TMCC1: variants seen among roughly 807,000 people sequenced by gnomAD.
The protein encoded by TMCC1 is transmembrane and coiled-coil domains protein 1.
TMCC1 carries 15 observed loss-of-function variants against 52.4 expected under a neutral mutation model. That is an observed-to-expected ratio of 0.29 (90% CI 0.19 to 0.44). The LOEUF is 0.44. TMCC1 is among the 20% of genes least tolerant of loss of function. The pLI is 1.00. For synonymous variants in TMCC1, 279 were observed against 301.9 expected, an observed-to-expected ratio of 0.92 and a Z score of 0.79; for missense variants, 503 against 806.0, an observed-to-expected ratio of 0.62 and a Z score of 4.55.
chr3:129,889,882 T>C (rs901723822), intron 1 of TMCC1, among the ~76,000 whole-genome samples: 8 of 150,356 alleles, frequency 5.3e-5, no homozygotes, highest in Non-Finnish European at 1.2e-4. Context: ...AGATAAAACT[T>C]GAATTTGTAC....
chr3:129,837,629 A>G (rs1011421605), intron 2 of TMCC1, among the ~76,000 whole-genome samples: 2 of 152,220 alleles, frequency 1.3e-5, no homozygotes, highest in Non-Finnish European at 1.5e-5. Flanking sequence ...AAAATTATGA[A>G]GCATGGCAAA....
At chr3:129,752,211 C>T (rs1385166029) in intron 4 of TMCC1, among the ~76,000 whole-genome samples, 3 of 152,188 alleles carry the variant, frequency 2.0e-5, no homozygotes, top group Non-Finnish European at 4.4e-5. Context: ...TTTTCCCTCA[C>T]TCTCTGAATG....
chr3:129,876,018 C>T (rs995816715), intron 2 of TMCC1, among the ~76,000 whole-genome samples: 7 of 151,892 alleles, frequency 4.6e-5, no homozygotes, highest in African/African-American at 1.5e-4. Context: ...GCCTGTAATC[C>T]CAGCTACCTG....
At chr3:129,673,749 G>A (rs1486917710) in intron 4 of TMCC1, among the ~76,000 whole-genome samples, 1 of 152,116 alleles carries the variant, frequency 6.6e-6, no homozygotes, top group Non-Finnish European at 1.5e-5. Flanking sequence ...TGCTCAGGAG[G>A]CTGAGGTGGG....
intron 2 of TMCC1, among the ~76,000 whole-genome samples, chr3:129,876,042 G>A (rs1269076441): frequency 6.6e-6 from 1 of 151,928 alleles, no homozygotes; most frequent in Non-Finnish European, 1.5e-5. Flanking sequence ...GGCTGAGGCA[G>A]GAGAATTGCT....
intron 4 of TMCC1, among the ~76,000 whole-genome samples, chr3:129,823,890 T>C (rs747551196): frequency 1.3e-5 from 2 of 152,192 alleles, no homozygotes; most frequent in Non-Finnish European, 2.9e-5. Flanking sequence ...ACATACTATA[T>C]ATGTTTAGGA....
intron 1 of TMCC1, among the ~76,000 whole-genome samples, chr3:129,881,801 A>G (rs1382908529): frequency 6.6e-6 from 1 of 152,236 alleles, no homozygotes; most frequent in Non-Finnish European, 1.5e-5. Context: ...ACAGAAATAA[A>G]AACTATCCAA....
At chr3:129,870,759 CAAAAAAA>C (rs61673201) in intron 2 of TMCC1, among the ~76,000 whole-genome samples, 3 of 10,678 alleles carry the variant, frequency 2.8e-4, no homozygotes, top group East Asian at 7.1e-3. Context: ...GACTCCATCT[CAAAAAAA>C]AAAAAAAAAA....
chr3:129,885,007 G>C (rs1364493124), intron 1 of TMCC1, among the ~76,000 whole-genome samples: 1 of 151,838 alleles, frequency 6.6e-6, no homozygotes, highest in South Asian at 2.1e-4. Context: ...GAGACGGTGG[G>C]ACACACCTGC....
chr3:129,848,170 C>T (rs886544767), intron 2 of TMCC1, among the ~76,000 whole-genome samples: 5 of 152,204 alleles, frequency 3.3e-5, no homozygotes, highest in Admixed American at 2.6e-4. Context: ...GGATGAAATC[C>T]AATTTAGCGA....
chr3:129,700,993 C>G (rs1052765567), intron 4 of TMCC1, among the ~76,000 whole-genome samples: 1 of 152,120 alleles, frequency 6.6e-6, no homozygotes, highest in Non-Finnish European at 1.5e-5. Flanking sequence ...ACTTTACTTT[C>G]TGGATAAAAT....
At chr3:129,883,160 A>C (rs959687284) in intron 1 of TMCC1, among the ~76,000 whole-genome samples, 4 of 147,666 alleles carry the variant, frequency 2.7e-5, no homozygotes, top group African/African-American at 7.7e-5. Flanking sequence ...CACACACACA[A>C]AATTAGCCAG....
intron 4 of TMCC1, among the ~76,000 whole-genome samples, chr3:129,723,538 A>C (rs1427555866): frequency 1.4e-5 from 2 of 144,508 alleles, no homozygotes; most frequent in Non-Finnish European, 3.1e-5. Context: ...TGTTCATTGA[A>C]AGAAACACTG....
rs575998373 is a variant in TMCC1, at chr3:129,845,171, G to A, written c.-183-12345C>T. On this transcript the variant is annotated intron_variant, in intron 2 of 6. Coordinates refer to ENST00000393238, the MANE Select transcript of TMCC1 (RefSeq NM_001017395.5). The stretch of plus-strand genomic sequence containing the variant: ...CCACTGCACTCTGGCCTCGGCAACA[G>A]AGCAAGTCCCTGTCACACTCACACA... Among the ~76,000 whole-genome samples, 13 of 128,940 alleles carry A rather than the reference G, an allele frequency of 1.0e-4. No individual in the cohort carries two copies. In the East Asian group the frequency reaches 3.0e-3, roughly 30 times the overall value. 84.6% of individuals were successfully genotyped at this position (128,940 alleles called of 152,430 possible).
At chr3:129,804,759 G>A (rs2057371907) in intron 4 of TMCC1, among the ~76,000 whole-genome samples, 1 of 152,046 alleles carries the variant, frequency 6.6e-6, no homozygotes, top group South Asian at 2.1e-4. Flanking sequence ...AGAGCTTATA[G>A]CACACCACAG....
In TMCC1 at chr3:129,670,803, A is replaced by T. The variant is rs150463535; in HGVS notation, c.1038T>A (p.Ser346Arg). Residue 346 changes from serine to arginine, a missense_variant, in exon 5 of 7, where the codon AGT becomes AGA. Physicochemically the swap from Ser to Arg is moderately radical, Grantham distance 110. Coordinates refer to ENST00000393238, the MANE Select transcript of TMCC1 (RefSeq NM_001017395.5). ...AGAAGCTGGAAAACCCACCTTTGACACTATCCACCACACCTTCACTGAAGC... is the reference window on the plus strand; with the variant it reads ...AGAAGCTGGAAAACCCACCTTTGACTCTATCCACCACACCTTCACTGAAGC... ...VTGFSEGVVD[S>R]VKGGFSSFSQ... 1 of 1,613,992 alleles carries T rather than the reference A, an allele frequency of 6.2e-7. No homozygotes were observed. The highest frequency in any genetic ancestry group is 8.5e-7 in the Non-Finnish European group (1 of 1,180,008).
chr3:129,752,962 G>C (rs1415350406), intron 4 of TMCC1, among the ~76,000 whole-genome samples: 2 of 152,140 alleles, frequency 1.3e-5, no homozygotes, highest in South Asian at 2.1e-4. Context: ...GACAGAAAGA[G>C]AGAAGGGGGA....
intron 4 of TMCC1, among the ~76,000 whole-genome samples, chr3:129,770,905 G>A (rs969081527): frequency 6.6e-6 from 1 of 152,174 alleles, no homozygotes; most frequent in Non-Finnish European, 1.5e-5. Context: ...TCCCTAAACA[G>A]TCATAATTAA....
At chr3:129,826,554 C>T (rs1484436665) in intron 4 of TMCC1, among the ~76,000 whole-genome samples, 2 of 151,774 alleles carry the variant, frequency 1.3e-5, no homozygotes, top group Non-Finnish European at 2.9e-5. Flanking sequence ...GTACTTTTCC[C>T]CATTTAAATT....
Sources: gnomAD v4.1 joint callset for allele counts (sites outside exome capture counted in the v4.1 genomes callset) on GRCh38, gnomAD v4.1.1 for gene constraint, MANE v1.5 for transcripts, NCBI Gene and HGNC (gene_info 2026-07-23, HGNC 2026-07-21) for gene names.